The following ZNF407 variants were observed in gnomAD, a reference collection of about 807,000 sequenced individuals.
The protein encoded by ZNF407 is zinc finger protein 407.
ZNF407 carries 17 observed loss-of-function variants against 131.2 expected under a neutral mutation model. That is an observed-to-expected ratio of 0.13 (90% CI 0.09 to 0.19). The LOEUF (loss-of-function observed/expected upper bound fraction) is 0.19, where lower values mean the gene tolerates loss of function less well. ZNF407 is among the 10% of genes least tolerant of loss of function. The pLI is 1.00. For synonymous variants in ZNF407, 1,156 were observed against 1,062.0 expected, an observed-to-expected ratio of 1.09 and a Z score of -1.72; for missense variants, 2,681 against 2,830.6, an observed-to-expected ratio of 0.95 and a Z score of 1.20.
At chr18:74,981,648 C>T (rs747587836) in intron 8 of ZNF407, among the ~76,000 whole-genome samples, 4 of 151,394 alleles carry the variant, frequency 2.6e-5, no homozygotes, top group East Asian at 1.9e-4. Context: ...CACTGTCGCT[C>T]GGCCCTGGAG....
chr18:74,987,311 C>T (rs1248944172), intron 8 of ZNF407, among the ~76,000 whole-genome samples: 1 of 152,080 alleles, frequency 6.6e-6, no homozygotes, highest in Non-Finnish European at 1.5e-5. Context: ...ACGATAACAT[C>T]ATCAGTGTCT....
intron 4 of ZNF407, among the ~76,000 whole-genome samples, chr18:74,844,277 G>A (rs1245752288): frequency 6.6e-6 from 1 of 152,150 alleles, no homozygotes; most frequent in African/African-American, 2.4e-5. Flanking sequence ...CAGTTGGACG[G>A]TGAACCCCTC....
intron 7 of ZNF407, among the ~76,000 whole-genome samples, chr18:74,910,873 A>G (rs560383046): frequency 4.0e-5 from 6 of 151,648 alleles, no homozygotes; most frequent in African/African-American, 1.5e-4. Context: ...CAGCCGCAAC[A>G]CTGCAGGTGT....
Position 75,049,399 on chromosome 18 carries a change from T to C in ZNF407, c.5429-13751T>C, listed in dbSNP as rs1485049899. ...CTTATTTGTCCGGTTCCTGAAGACA[T>C]GTGGGTCACCGGCACTGTCTGCTCT... is the stretch of plus-strand genomic sequence containing the variant. On this transcript the variant is annotated intron_variant, in intron 8 of 8. Transcript: ENST00000299687. Among the ~76,000 whole-genome samples the C allele has an allele frequency of 4.6e-5, 7 of 152,256 alleles. No homozygotes were observed. The East Asian group carries it at 1.4e-3, about 29-fold the overall frequency.
chr18:74,616,813 ACACCACACGCATCCATATCCACG>A (rs1983309946), intron 1 of ZNF407, among the ~76,000 whole-genome samples: 2 of 105,968 alleles, frequency 1.9e-5, no homozygotes, highest in Non-Finnish European at 4.0e-5. Flanking sequence ...CCATATCCAC[ACACCACACGCATCCATATCCACG>A]CACCACACGC....
At chr18:74,959,553 A>G (rs1972315217) in intron 8 of ZNF407, among the ~76,000 whole-genome samples, 1 of 152,112 alleles carries the variant, frequency 6.6e-6, no homozygotes, top group African/African-American at 2.4e-5. Flanking sequence ...GTTTCTATGT[A>G]TCTTGAATTT....
chr18:74,665,339 C>T (rs1047942805), intron 3 of ZNF407, among the ~76,000 whole-genome samples: 6 of 152,150 alleles, frequency 3.9e-5, no homozygotes, highest in African/African-American at 1.4e-4. Flanking sequence ...CTTCACTTTC[C>T]ACATTATCTC....
intron 3 of ZNF407, among the ~76,000 whole-genome samples, chr18:74,712,747 A>C (rs1395194870): frequency 2.6e-5 from 4 of 152,184 alleles, no homozygotes; most frequent in Non-Finnish European, 5.9e-5. Context: ...GCAGTGGGGA[A>C]AGAGTATGAA....
At chr18:74,987,864 T>C (rs1350989770) in intron 8 of ZNF407, among the ~76,000 whole-genome samples, 2 of 152,198 alleles carry the variant, frequency 1.3e-5, no homozygotes, top group Non-Finnish European at 2.9e-5. Context: ...TGTTGTTAAA[T>C]GTCAGGTATC....
intron 7 of ZNF407, among the ~76,000 whole-genome samples, chr18:74,911,487 TC>T (rs1480819471): frequency 1.3e-5 from 2 of 152,212 alleles, no homozygotes; most frequent in African/African-American, 4.8e-5. Flanking sequence ...TAGCAAACTC[TC>T]CCTTATTTTT....
At chr18:74,984,797 G>A (rs9950591) in intron 8 of ZNF407, among the ~76,000 whole-genome samples, 25,249 of 152,216 alleles carry the variant, frequency 0.17, 2,302 homozygotes, top group Admixed American at 0.28. Context: ...GATCAAAGAT[G>A]GTGAAGAGCT....
At chr18:74,683,821 A>G (rs569250278) in intron 3 of ZNF407, among the ~76,000 whole-genome samples, 1 of 152,346 alleles carries the variant, frequency 6.6e-6, no homozygotes, top group Non-Finnish European at 1.5e-5. Context: ...CATGTTGAAA[A>G]TGAAAAGCTA....
At chr18:74,842,571 T>A (rs927647598) in intron 4 of ZNF407, among the ~76,000 whole-genome samples, 4 of 148,828 alleles carry the variant, frequency 2.7e-5, no homozygotes, top group African/African-American at 7.5e-5. Flanking sequence ...CAGTGACGCC[T>A]TTTTGACCCT....
intron 4 of ZNF407, among the ~76,000 whole-genome samples, chr18:74,831,443 A>G (rs528073104): frequency 2.1e-4 from 32 of 152,252 alleles, no homozygotes; most frequent in African/African-American, 7.5e-4. Context: ...CACCCTTTGC[A>G]TCTACCATTC....
At chr18:75,038,410 T>C (rs548837034) in intron 8 of ZNF407, among the ~76,000 whole-genome samples, 8 of 152,202 alleles carry the variant, frequency 5.3e-5, no homozygotes, top group Non-Finnish European at 1.0e-4. Flanking sequence ...TAAAACTACC[T>C]TGTACTCCTT....
At chr18:74,701,059 G>A (rs1183590424) in intron 3 of ZNF407, among the ~76,000 whole-genome samples, 1 of 152,172 alleles carries the variant, frequency 6.6e-6, no homozygotes, top group Non-Finnish European at 1.5e-5. Flanking sequence ...ACAGACAGCT[G>A]TCTCTCTCCT....
At chr18:74,677,625 T>C (rs992142304) in intron 3 of ZNF407, among the ~76,000 whole-genome samples, 1 of 152,268 alleles carries the variant, frequency 6.6e-6, no homozygotes, top group African/African-American at 2.4e-5. Context: ...AGACCTAAAA[T>C]ACTTTAGGCA....
intron 8 of ZNF407, among the ~76,000 whole-genome samples, chr18:74,954,358 C>G (rs1490988965): frequency 2.6e-5 from 4 of 152,090 alleles, no homozygotes; most frequent in Non-Finnish European, 5.9e-5. Flanking sequence ...TAATCTATAT[C>G]ATAAATGACT....
At chr18:74,851,269 G>A (rs956917832) in intron 4 of ZNF407, among the ~76,000 whole-genome samples, 5 of 152,142 alleles carry the variant, frequency 3.3e-5, no homozygotes, top group Non-Finnish European at 7.3e-5. Flanking sequence ...TTATTGCCGC[G>A]AGTTCTCGCT....
Sources: gnomAD v4.1 joint callset for allele counts (sites outside exome capture counted in the v4.1 genomes callset) on GRCh38, gnomAD v4.1.1 for gene constraint, MANE v1.5 for transcripts, NCBI Gene and HGNC (gene_info 2026-07-23, HGNC 2026-07-21) for gene names.